The following HSD3B2 variants were observed in gnomAD, a reference collection of about 807,000 sequenced individuals.
HSD3B2 encodes 3 beta-hydroxysteroid dehydrogenase/Delta 5-->4-isomerase type 2.
HSD3B2 carries 8 observed loss-of-function variants against 9.9 expected under a neutral mutation model. That is an observed-to-expected ratio of 0.81 (90% CI 0.47 to 1.46). The LOEUF (loss-of-function observed/expected upper bound fraction) is 1.46, where lower values mean the gene tolerates loss of function less well. Among genes scored for constraint, HSD3B2 ranks in the 40% most tolerant of loss-of-function variants. The pLI is 0.00. For missense variants in HSD3B2, 410 were observed against 448.3 expected (o/e 0.91, Z 0.77); for synonymous variants, 221 against 184.5 (o/e 1.20, Z -1.60).
At position 119,422,705 on chromosome 1, in the gene HSD3B2, AG is replaced by A. The variant is rs1167948948; in HGVS notation, c.*89del. 2.7e-6 allele frequency: 4 copies of A among 1,502,026 alleles called. No individual in the cohort carries two copies. In the African/African-American group the frequency reaches 5.5e-5, roughly 21 times the overall value. 93.0% of individuals were successfully genotyped at this position (1,502,026 alleles called of 1,614,324 possible). ...CACCTGGCTTCATACAGAAGGCAAC[AG>A]GGGCACAAGCCCAGGTCCTGCTGCC... On this transcript the variant is annotated 3_prime_UTR_variant, in exon 4 of 4. Transcript: ENST00000369416.
chr1:119,420,836 G>A (rs1332990673), intron 3 of HSD3B2, among the ~76,000 whole-genome samples: 1 of 152,158 alleles, frequency 6.6e-6, no homozygotes, highest in African/African-American at 2.4e-5. Context: ...CCCAGTGCAG[G>A]TGTTATCAGC....
chr1:119,417,403 A>T (rs1460653799), intron 2 of HSD3B2: 2 of 152,232 alleles, frequency 1.3e-5, no homozygotes, highest in Non-Finnish European at 2.9e-5. Context: ...GTCATTTTCT[A>T]TCGGCTTTGG....
Position 119,419,441 on chromosome 1 carries a change from A to C in HSD3B2, c.166A>C (p.Thr56Pro). The C allele has an allele frequency of 6.2e-7, 1 of 1,613,682 alleles. No homozygotes were observed. Among genetic ancestry groups the C allele is most frequent in the Non-Finnish European group, 8.5e-7 (1 of 1,179,764 alleles). ...FSKLQNRTKLTVLEGDILDEP... is the reference protein window; with the variant it reads ...FSKLQNRTKLPVLEGDILDEP... ...AGAGCTCCAGAACAGGACCAAGCTG[A>C]CTGTACTTGAAGGAGACATTCTGGA... The change falls in exon 3 of 4, where the codon ACT becomes CCT. Residue 56 changes from threonine to proline, a missense_variant. By Grantham distance (38) the Thr-to-Pro change is conservative. Coordinates refer to ENST00000369416, the MANE Select transcript of HSD3B2 (RefSeq NM_000198.4).
At chr1:119,421,726 G>T (rs1043635070) in intron 3 of HSD3B2, 83 bp from the exon 4 acceptor site, 37 of 1,454,244 alleles carry the variant, frequency 2.5e-5, no homozygotes, top group Non-Finnish European at 3.6e-5. Flanking sequence ...TGGGAGTGGG[G>T]AGTGGGGCAC....
chr1:119,419,343 TA>T, intron 2 of HSD3B2, 74 bp from the exon 3 acceptor site: 1 of 1,423,160 alleles, frequency 7.0e-7, no homozygotes, highest in Non-Finnish European at 9.9e-7. Context: ...AGCACCTATG[TA>T]ACATCGCCTT....
At position 119,419,576 on chromosome 1, in the gene HSD3B2, G is replaced by A; in HGVS notation, c.301G>A (p.Val101Met). ...CAGAGAGTCCATCATGAATGTCAAT[G>A]TGAAAGGTACAGTAGCCTGGGGAGG... Reference protein sequence around the residue: ...THRESIMNVNVKGTQLLLEAC... With the variant: ...THRESIMNVNMKGTQLLLEAC... Residue 101 changes from valine (V) to methionine (M), a missense_variant, in exon 3 of 4, where the codon GTG becomes ATG. Coordinates refer to ENST00000369416, the MANE Select transcript of HSD3B2 (RefSeq NM_000198.4). 6.2e-7 allele frequency: 1 copy of A among 1,613,820 alleles called. No homozygotes were observed. The highest frequency in any genetic ancestry group is 1.3e-5 in the African/African-American group (1 of 75,054).
chr1:119,421,820 C>G lies in HSD3B2; in HGVS notation c.319C>G (p.Leu107Val). Residue 107 changes from leucine (L) to valine (V), a missense_variant, in exon 4 of 4, where the codon CTG becomes GTG. Coordinates refer to ENST00000369416, the MANE Select transcript of HSD3B2 (RefSeq NM_000198.4). The part of the protein sequence containing the change: ...MNVNVKGTQL[L>V]LEACVQASVP... ...CTCTTCGTGGGCAGGTACCCAGCTA[C>G]TGTTGGAGGCCTGTGTCCAAGCCAG... The G allele has an allele frequency of 6.2e-7, 1 of 1,613,716 alleles. No homozygotes were observed. The highest frequency in any genetic ancestry group is 8.5e-7 in the Non-Finnish European group (1 of 1,179,786).
rs1196505166 is a variant in HSD3B2 at position 119,422,745 on chromosome 1, A to G, written c.*125A>G. On this transcript the variant is annotated 3_prime_UTR_variant, in exon 4 of 4. Transcript: ENST00000369416. ...GGTCCTGCTGCCTCTCTTTCACACA[A>G]TGCCCAACTTACTGTCTTCTTCATG... The G allele has an allele frequency of 1.8e-6, 2 of 1,114,468 alleles. No homozygotes were observed. Among genetic ancestry groups the G allele is most frequent in the Non-Finnish European group, 2.7e-6 (2 of 752,572 alleles). 69.0% of individuals were successfully genotyped at this position (1,114,468 alleles called of 1,614,324 possible). A position where few individuals can be genotyped will look rare whatever the true frequency, so the allele number is the denominator to read the frequency against.
At chr1:119,421,466 T>TTTTATA (rs1491335498) in intron 3 of HSD3B2, among the ~76,000 whole-genome samples, 2 of 6,304 alleles carry the variant, frequency 3.2e-4, no homozygotes, top group East Asian at 0.013. Context: ...TATATATATG[T>TTTTATA]ATATATATAT....
At position 119,422,587 on chromosome 1, in the gene HSD3B2, G is replaced by T. The variant is rs1353639351; in HGVS notation, c.1086G>T (p.Arg362=). Residue 362 remains arginine, a synonymous_variant, in exon 4 of 4, where the codon CGG becomes CGT. Coordinates refer to ENST00000369416, the MANE Select transcript of HSD3B2 (RefSeq NM_000198.4). ...TVEWVGSLVD[R]HKETLKSKTQ ...AGTGGGTTGGTTCCCTTGTGGACCG[G>T]CACAAGGAGACCCTGAAGTCCAAGA... The T allele has an allele frequency of 3.1e-6, 5 of 1,614,050 alleles. No individual in the cohort carries two copies. The East Asian group carries it at 8.9e-5, about 29-fold the overall frequency.
chr1:119,419,659 G>A (rs1337180647), intron 3 of HSD3B2, 77 bp downstream of exon 3: 2 of 1,404,936 alleles, frequency 1.4e-6, no homozygotes, highest in African/African-American at 2.8e-5. Context: ...GGGAAGAGAA[G>A]TCACTCCATT....
At chr1:119,419,389 T>C in intron 2 of HSD3B2, 29 bp from the exon 3 acceptor site, 1 of 1,613,082 alleles carries the variant, frequency 6.2e-7, no homozygotes, top group Non-Finnish European at 8.5e-7. Flanking sequence ...CCAGAAATCT[T>C]TCCAATGACC....
chr1:119,419,792 C>G, intron 3 of HSD3B2: 1 of 586,204 alleles, frequency 1.7e-6, no homozygotes, highest in South Asian at 1.9e-5. Flanking sequence ...AGTAACTTGT[C>G]CAAGGCCCCA....
intron 2 of HSD3B2, 141 bp downstream of exon 2, chr1:119,415,702 T>C (rs1023484102): frequency 1.8e-5 from 16 of 908,632 alleles, no homozygotes; most frequent in Admixed American, 3.7e-5. Flanking sequence ...AGAAAGGAAA[T>C]AGAATAAAAT....
Position 119,422,874 on chromosome 1 carries a change from A to G in HSD3B2, c.*254A>G, listed in dbSNP as rs1017382727. 3.7e-5 allele frequency: 21 copies of G among 569,622 alleles called. No homozygotes were observed. In the East Asian group the frequency reaches 6.0e-4, roughly 16 times the overall value. 35.3% of individuals were successfully genotyped at this position (569,622 alleles called of 1,614,324 possible). A position where few individuals can be genotyped will look rare whatever the true frequency, so the allele number is the denominator to read the frequency against. On this transcript the variant is annotated 3_prime_UTR_variant, in exon 4 of 4. Coordinates refer to ENST00000369416, the MANE Select transcript of HSD3B2 (RefSeq NM_000198.4). ...TGCTGTTACCAAATCTCAGTGGCTG[A>G]TTCTGAACAATTGTGGTCTCTCTTA...
chr1:119,421,427 GTATATATATA>G (rs1339046079), intron 3 of HSD3B2, among the ~76,000 whole-genome samples: 1 of 14,550 alleles, frequency 6.9e-5, no homozygotes, highest in Admixed American at 1.1e-3. Context: ...GTATATATAT[GTATATATATA>G]TATGTATATA....
At chr1:119,418,027 T>C (rs1342108181) in intron 2 of HSD3B2, among the ~76,000 whole-genome samples, 1 of 152,120 alleles carries the variant, frequency 6.6e-6, no homozygotes, top group African/African-American at 2.4e-5. Context: ...AAAGCACAAA[T>C]GAGTGTAGAG....
intron 2 of HSD3B2, among the ~76,000 whole-genome samples, chr1:119,416,490 T>A (rs188674274): frequency 6.6e-6 from 1 of 152,294 alleles, no homozygotes; most frequent in Non-Finnish European, 1.5e-5. Flanking sequence ...CAAGAACAGC[T>A]GATTAATGTG....
intron 2 of HSD3B2, among the ~76,000 whole-genome samples, chr1:119,416,597 G>C (rs587606278): frequency 6.6e-6 from 1 of 152,216 alleles, no homozygotes; most frequent in African/African-American, 2.4e-5. Context: ...TTGCCTCTCT[G>C]TGTGCCCCAA....
Sources: allele counts gnomAD v4.1 joint callset (sites outside exome capture counted in the v4.1 genomes callset), GRCh38; gene constraint gnomAD v4.1.1; transcripts MANE v1.5; gene names NCBI Gene and HGNC (gene_info 2026-07-23, HGNC 2026-07-21).